Variants in DOCK1 observed in about 807,000 individuals in gnomAD.
The protein encoded by DOCK1 is dedicator of cytokinesis protein 1.
Under a neutral mutation model 262.7 loss-of-function variants are expected in DOCK1, and 138 were observed. The ratio of observed to expected loss-of-function variants is 0.53; its 90% CI spans 0.46 to 0.61. DOCK1 has a LOEUF of 0.61. Among genes scored for constraint, DOCK1 ranks in the 20% least tolerant of loss-of-function variants. The pLI, the probability that DOCK1 is intolerant of heterozygous loss-of-function variation, is 0.00. For missense variants in DOCK1, 1,908 were observed against 2,370.7 expected (o/e 0.80, Z 4.05); for synonymous variants, 866 against 867.4 (o/e 1.00, Z 0.03).
intron 31 of DOCK1, among the ~76,000 whole-genome samples, chr10:127,345,261 G>A (rs1459653127): frequency 1.3e-5 from 2 of 152,168 alleles, no homozygotes; most frequent in Non-Finnish European, 2.9e-5. Context: ...GACTTTCTAA[G>A]CATTTCATGT....
intron 21 of DOCK1, among the ~76,000 whole-genome samples, chr10:127,045,592 C>CCG (rs1197208083): frequency 7.9e-5 from 12 of 152,290 alleles, no homozygotes; most frequent in South Asian, 6.2e-4. Context: ...AGATCTTTAG[C>CCG]CCTTCTTCCC....
At chr10:127,416,677 T>C (rs1452626637) in intron 44 of DOCK1, among the ~76,000 whole-genome samples, 1 of 152,240 alleles carries the variant, frequency 6.6e-6, no homozygotes, top group Non-Finnish European at 1.5e-5. Context: ...GAGCAGCAGC[T>C]AACCTTCTTC....
chr10:127,270,008 T>C (rs1393966512), intron 29 of DOCK1, among the ~76,000 whole-genome samples: 1 of 152,202 alleles, frequency 6.6e-6, no homozygotes, highest in Admixed American at 6.5e-5. Flanking sequence ...GGACTCCACC[T>C]GCCTCCTCTC....
chr10:127,297,774 C>T (rs1473780205), intron 29 of DOCK1, among the ~76,000 whole-genome samples: 1 of 152,020 alleles, frequency 6.6e-6, no homozygotes. Context: ...AAAATCAGCT[C>T]AATGAGAGGG....
At chr10:127,254,582 A>G (rs1454549495) in intron 28 of DOCK1, among the ~76,000 whole-genome samples, 1 of 152,214 alleles carries the variant, frequency 6.6e-6, no homozygotes, top group Non-Finnish European at 1.5e-5. Context: ...CTCCATTGTG[A>G]AAGTATGTAC....
At chr10:127,014,455 TTATG>T (rs2041708433) in intron 12 of DOCK1, among the ~76,000 whole-genome samples, 1 of 152,188 alleles carries the variant, frequency 6.6e-6, no homozygotes, top group Non-Finnish European at 1.5e-5. Flanking sequence ...GTGCATTAGT[TTATG>T]TATTAAGATA....
intron 25 of DOCK1, among the ~76,000 whole-genome samples, chr10:127,122,740 C>A (rs780077506): frequency 6.6e-6 from 1 of 151,634 alleles, no homozygotes; most frequent in Non-Finnish European, 1.5e-5. Flanking sequence ...TCAGGAGAGG[C>A]TGGATAGCAA....
intron 1 of DOCK1, among the ~76,000 whole-genome samples, chr10:126,957,121 C>T (rs2134477710): frequency 1.3e-5 from 2 of 152,340 alleles, no homozygotes; most frequent in East Asian, 3.9e-4. Context: ...TATTGTTTTC[C>T]TCACAGAGGG....
intron 29 of DOCK1, among the ~76,000 whole-genome samples, chr10:127,280,775 A>G (rs2060932751): frequency 6.6e-6 from 1 of 152,236 alleles, no homozygotes; most frequent in African/African-American, 2.4e-5. Context: ...GTGCTGGTGT[A>G]GAATTGCAGA....
At chr10:127,192,840 C>A (rs907406076) in intron 27 of DOCK1, 2 of 152,204 alleles carry the variant, frequency 1.3e-5, no homozygotes, top group Admixed American at 6.5e-5. Context: ...GCAATCCTGT[C>A]AGGGTCCCTA....
At chr10:127,080,501 G>C (rs1052424033) in intron 23 of DOCK1, among the ~76,000 whole-genome samples, 2 of 151,930 alleles carry the variant, frequency 1.3e-5, no homozygotes, top group African/African-American at 4.8e-5. Flanking sequence ...CCTGAGGTTT[G>C]CTTCACTGCA....
chr10:127,087,848 G>C (rs1393103028), intron 23 of DOCK1, among the ~76,000 whole-genome samples: 1 of 152,144 alleles, frequency 6.6e-6, no homozygotes, highest in Non-Finnish European at 1.5e-5. Flanking sequence ...TCTCACCCTG[G>C]ACTTCCTTTG....
At chr10:127,035,440 T>C (rs1033415679) in intron 18 of DOCK1, among the ~76,000 whole-genome samples, 27 of 152,284 alleles carry the variant, frequency 1.8e-4, no homozygotes, top group African/African-American at 6.5e-4. Flanking sequence ...GGGACTCATC[T>C]GCCTTGGGCA....
intron 30 of DOCK1, among the ~76,000 whole-genome samples, chr10:127,342,406 A>ATTCTC (rs1372285121): frequency 6.6e-6 from 1 of 152,176 alleles, no homozygotes; most frequent in African/African-American, 2.4e-5. Flanking sequence ...TCAGACCCCC[A>ATTCTC]TTCTGCTTCA....
chr10:126,945,471 G>GA (rs2035325551), intron 1 of DOCK1, among the ~76,000 whole-genome samples: 65 of 151,288 alleles, frequency 4.3e-4, no homozygotes, highest in African/African-American at 1.6e-3. Flanking sequence ...GAGAGAGAGA[G>GA]GGAGAGAGAG....
chr10:126,962,059 G>A (rs2037264775), intron 1 of DOCK1, among the ~76,000 whole-genome samples: 1 of 152,056 alleles, frequency 6.6e-6, no homozygotes, highest in African/African-American at 2.4e-5. Context: ...GTGCAGTGGT[G>A]CGCTCTCGGC....
At chr10:126,955,128 T>C (rs1464373487) in intron 1 of DOCK1, among the ~76,000 whole-genome samples, 1 of 152,190 alleles carries the variant, frequency 6.6e-6, no homozygotes, top group African/African-American at 2.4e-5. Context: ...GTTTTTGTTT[T>C]TTGTTTCTTT....
rs552772576 is a variant in DOCK1, at chr10:127,268,055, G to A, written c.3044+10626G>A. Among the ~76,000 whole-genome samples the A allele has an allele frequency of 4.6e-5, 7 of 152,236 alleles. No individual in the cohort carries two copies. In the South Asian group the frequency reaches 1.5e-3, roughly 32 times the overall value. ...TTGTTGTCACAACTTGGGAAGAGAG[G>A]GCTGCTGGCATTTAGTGGGTAGAAA... On this transcript the variant is annotated intron_variant, in intron 29 of 51. Transcript: ENST00000623213.
intron 29 of DOCK1, among the ~76,000 whole-genome samples, chr10:127,312,294 C>T (rs1590389388): frequency 4.6e-5 from 7 of 152,312 alleles, no homozygotes; most frequent in Admixed American, 4.6e-4. Context: ...GATCACCAGG[C>T]TCTCCAGTAC....
Sources: allele counts gnomAD v4.1 joint callset (sites outside exome capture counted in the v4.1 genomes callset), GRCh38; gene constraint gnomAD v4.1.1; transcripts MANE v1.5; gene names NCBI Gene and HGNC (gene_info 2026-07-23, HGNC 2026-07-21).